NKAIN3: variants seen among roughly 807,000 people sequenced by gnomAD.
NKAIN3 encodes the protein sodium/potassium transporting ATPase interacting 3.
NKAIN3 carries 25 observed loss-of-function variants against 30.2 expected under a neutral mutation model. The ratio of observed to expected loss-of-function variants is 0.83; its 90% CI spans 0.60 to 1.16. The LOEUF is 1.16. NKAIN3 is among the 50% of genes most tolerant of loss of function. The pLI, the probability that NKAIN3 is intolerant of heterozygous loss-of-function variation, is 0.00. For missense variants in NKAIN3, 225 were observed against 254.1 expected, an observed-to-expected ratio of 0.89 and a Z score of 0.78; for synonymous variants, 91 against 89.6, an observed-to-expected ratio of 1.02 and a Z score of -0.09.
At chr8:62,357,813 T>C (rs775490645) in intron 1 of NKAIN3, among the ~76,000 whole-genome samples, 6 of 152,190 alleles carry the variant, frequency 3.9e-5, no homozygotes, top group Non-Finnish European at 5.9e-5. Context: ...TCCTCCAAAA[T>C]TGAGGTGTAG....
intron 4 of NKAIN3, among the ~76,000 whole-genome samples, chr8:62,824,696 C>G: frequency 6.6e-6 from 1 of 152,106 alleles, no homozygotes; most frequent in East Asian, 1.9e-4. Context: ...CCTGATTGTC[C>G]TCTCCACTAT....
At chr8:62,746,776 A>C (rs949683304) in intron 3 of NKAIN3, among the ~76,000 whole-genome samples, 156 bp from the exon 4 acceptor site, 1 of 152,206 alleles carries the variant, frequency 6.6e-6, no homozygotes, top group African/African-American at 2.4e-5. Context: ...CATATAATAC[A>C]TGCAGCCACT....
intron 1 of NKAIN3, among the ~76,000 whole-genome samples, chr8:62,278,205 C>T (rs1292534005): frequency 6.6e-6 from 1 of 152,082 alleles, no homozygotes; most frequent in Non-Finnish European, 1.5e-5. Context: ...GTCATGTAGA[C>T]TGAAGAGGCC....
At chr8:62,432,871 C>T (rs1033228670) in intron 1 of NKAIN3, among the ~76,000 whole-genome samples, 2 of 152,042 alleles carry the variant, frequency 1.3e-5, no homozygotes, top group Admixed American at 1.3e-4. Flanking sequence ...GCAGGGCTTT[C>T]GTATTTGATC....
intron 3 of NKAIN3, among the ~76,000 whole-genome samples, chr8:62,643,928 C>G (rs527627863): frequency 6.6e-6 from 1 of 151,922 alleles, no homozygotes; most frequent in African/African-American, 2.4e-5. Flanking sequence ...TGATTTTCAC[C>G]CTTCTCTTTC....
At chr8:62,411,078 G>C (rs1184494654) in intron 1 of NKAIN3, among the ~76,000 whole-genome samples, 2 of 152,048 alleles carry the variant, frequency 1.3e-5, no homozygotes, top group Non-Finnish European at 2.9e-5. Flanking sequence ...ATATGTCAGA[G>C]ACACAATAAC....
At chr8:62,678,399 T>G (rs1019181288) in intron 3 of NKAIN3, among the ~76,000 whole-genome samples, 9 of 152,322 alleles carry the variant, frequency 5.9e-5, no homozygotes, top group Non-Finnish European at 1.0e-4. Context: ...TATCATGCAA[T>G]CTTCGAAATA....
chr8:62,585,399 A>G (rs1019088682), intron 2 of NKAIN3, among the ~76,000 whole-genome samples: 1 of 152,198 alleles, frequency 6.6e-6, no homozygotes, highest in Admixed American at 6.5e-5. Context: ...ACTTTGCCAC[A>G]TAGTACTCCT....
intron 4 of NKAIN3, among the ~76,000 whole-genome samples, chr8:62,884,245 G>A (rs1000747274): frequency 1.3e-5 from 2 of 149,500 alleles, no homozygotes; most frequent in Non-Finnish European, 3.0e-5. Flanking sequence ...CTATTTTCTG[G>A]AACAGATTTT....
chr8:62,468,408 G>C (rs1470620354), intron 1 of NKAIN3, among the ~76,000 whole-genome samples: 3 of 152,124 alleles, frequency 2.0e-5, no homozygotes, highest in Non-Finnish European at 4.4e-5. Context: ...AGTTTTGTTG[G>C]AAGAGGAGTT....
At chr8:62,556,509 A>G in intron 1 of NKAIN3, among the ~76,000 whole-genome samples, 1 of 151,886 alleles carries the variant, frequency 6.6e-6, no homozygotes, top group Non-Finnish European at 1.5e-5. Context: ...TATACAAAAG[A>G]GTTGACTTAA....
chr8:62,492,296 G>A (rs1381909250), intron 1 of NKAIN3, among the ~76,000 whole-genome samples: 1 of 152,050 alleles, frequency 6.6e-6, no homozygotes, highest in East Asian at 1.9e-4. Flanking sequence ...TATAATGTTG[G>A]AATTTGGGAA....
intron 1 of NKAIN3, among the ~76,000 whole-genome samples, chr8:62,416,732 C>T (rs1311674498): frequency 2.0e-5 from 3 of 152,066 alleles, no homozygotes; most frequent in East Asian, 1.9e-4. Flanking sequence ...TGGTAGCTCA[C>T]GCCTGTAATC....
At chr8:62,505,161 G>A (rs539552987) in intron 1 of NKAIN3, among the ~76,000 whole-genome samples, 40 of 152,268 alleles carry the variant, frequency 2.6e-4, no homozygotes, top group African/African-American at 9.6e-4. Flanking sequence ...CAGCAATAAG[G>A]GCAATTACTG....
In NKAIN3 at chr8:62,999,287, GC is replaced by G. The variant is rs979844438; in HGVS notation, c.590del (p.Ala197ValfsTer28). 3.9e-5 allele frequency: 6 copies of G among 152,200 alleles called. No homozygotes were observed. The highest frequency in any genetic ancestry group is 1.4e-4 in the African/African-American group (6 of 41,442). 9.4% of individuals were successfully genotyped at this position (152,200 alleles called of 1,614,324 possible). A position where few individuals can be genotyped will look rare whatever the true frequency, so the allele number is the denominator to read the frequency against. ...TCAGCTTTTGGAAAGGACTCAGGAA[GC>G]TTTTACTCATGATGGAAGGCAAAGC... is the stretch of plus-strand genomic sequence containing the variant. On this transcript the variant is annotated frameshift_variant, in exon 6 of 6. Transcript: ENST00000519049. LOFTEE classifies it high-confidence loss of function.
intron 4 of NKAIN3, among the ~76,000 whole-genome samples, chr8:62,834,011 G>T (rs181472698): frequency 9.2e-5 from 14 of 152,058 alleles, no homozygotes; most frequent in African/African-American, 2.7e-4. Context: ...GGGATGCAAG[G>T]TTGGTTCAAC....
At chr8:62,747,404 C>T (rs1816114213) in intron 4 of NKAIN3, among the ~76,000 whole-genome samples, 2 of 152,160 alleles carry the variant, frequency 1.3e-5, no homozygotes, top group East Asian at 3.9e-4. Context: ...CACCATCCAC[C>T]AGAAGTGGTC....
intron 4 of NKAIN3, among the ~76,000 whole-genome samples, chr8:62,901,688 A>G (rs1821618537): frequency 6.6e-6 from 1 of 152,176 alleles, no homozygotes; most frequent in South Asian, 2.1e-4. Flanking sequence ...GCCATGAAAC[A>G]CCATTCAATT....
chr8:62,486,949 C>G (rs1411054209), intron 1 of NKAIN3, among the ~76,000 whole-genome samples: 1 of 152,142 alleles, frequency 6.6e-6, no homozygotes, highest in Non-Finnish European at 1.5e-5. Flanking sequence ...GAAGCAAGCA[C>G]GCCCACAAAA....
Sources: allele counts gnomAD v4.1 joint callset (sites outside exome capture counted in the v4.1 genomes callset), GRCh38; gene constraint gnomAD v4.1.1; transcripts MANE v1.5; gene names NCBI Gene and HGNC (gene_info 2026-07-23, HGNC 2026-07-21).